NPC1: variants seen among roughly 807,000 people sequenced by gnomAD.
NPC1 encodes NPC intracellular cholesterol transporter 1, also known as Niemann-Pick C1 protein.
NPC1 carries 85 observed loss-of-function variants against 140.4 expected under a neutral mutation model. The ratio of observed to expected loss-of-function variants is 0.61; its 90% CI spans 0.51 to 0.72. NPC1 has a LOEUF of 0.72. Among genes scored for constraint, NPC1 ranks in the 30% least tolerant of loss-of-function variants. The pLI is 0.00. For synonymous variants in NPC1, 656 were observed against 624.8 expected, an observed-to-expected ratio of 1.05 and a Z score of -0.74; for missense variants, 1,504 against 1,623.8, an observed-to-expected ratio of 0.93 and a Z score of 1.27.
At chr18:23,541,579 G>C in intron 14 of NPC1, 146 bp from the exon 15 acceptor site, 3 of 1,047,060 alleles carry the variant, frequency 2.9e-6, no homozygotes, top group African/African-American at 1.6e-5. Flanking sequence ...CATTACACCA[G>C]AAGTGGGACA....
intron 3 of NPC1, among the ~76,000 whole-genome samples, chr18:23,513,391 C>T (rs559984848): frequency 6.6e-6 from 1 of 152,344 alleles, no homozygotes; most frequent in East Asian, 1.9e-4. Context: ...CTTTTTAAGA[C>T]TGATAATACC....
chr18:23,534,422 C>T (rs545550681), intron 23 of NPC1, 24 bp downstream of exon 23: 56 of 1,495,664 alleles, frequency 3.7e-5, no homozygotes, highest in Non-Finnish European at 4.7e-5. Flanking sequence ...ACTCTGCCGG[C>T]GTGGCCCTGC....
chr18:23,532,712 T>TC (rs1555631354), intron 24 of NPC1, among the ~76,000 whole-genome samples: 4 of 151,264 alleles, frequency 2.6e-5, no homozygotes, highest in Non-Finnish European at 5.9e-5. Flanking sequence ...TTTTTTTTTT[T>TC]CTTAAAAGGA....
chr18:23,512,160 A>G (rs1216597570), intron 3 of NPC1, among the ~76,000 whole-genome samples: 2 of 151,384 alleles, frequency 1.3e-5, no homozygotes, highest in African/African-American at 2.4e-5. Flanking sequence ...AGCTGGGTCT[A>G]CAGGCGCCCA....
intron 2 of NPC1, among the ~76,000 whole-genome samples, chr18:23,572,463 C>A (rs1458971831): frequency 6.6e-6 from 1 of 152,116 alleles, no homozygotes; most frequent in Non-Finnish European, 1.5e-5. Context: ...TTGTTTGATT[C>A]AATTCAACCA....
intron 9 of NPC1, among the ~76,000 whole-genome samples, chr18:23,552,016 G>A (rs1188178779): frequency 2.0e-5 from 3 of 152,198 alleles, no homozygotes; most frequent in Non-Finnish European, 2.9e-5. Flanking sequence ...ATAGCCAAGA[G>A]GAAGAGACTG....
At chr18:23,550,475 A>ATTTTTTTTTTTTTTTTTTTTTTT (rs1491268509) in intron 10 of NPC1, among the ~76,000 whole-genome samples, 1 of 53,504 alleles carries the variant, frequency 1.9e-5, no homozygotes, top group African/African-American at 9.8e-5. Flanking sequence ...CAGTTCTTAC[A>ATTTTTTTTTTTTTTTTTTTTTTT]TTTCTTTTTT....
chr18:23,551,390 C>A (rs185232634), intron 10 of NPC1, among the ~76,000 whole-genome samples: 53 of 152,272 alleles, frequency 3.5e-4, no homozygotes, highest in Admixed American at 1.0e-3. Flanking sequence ...AGGTACTTAG[C>A]CTTCGACAGC....
intron 4 of NPC1, among the ~76,000 whole-genome samples, chr18:23,565,154 T>C (rs2059104814): frequency 6.6e-6 from 1 of 152,226 alleles, no homozygotes; most frequent in South Asian, 2.1e-4. Context: ...CTCAAACTTC[T>C]ATGTGAATTT....
chr18:23,569,360 G>T (rs2059170349), intron 3 of NPC1, among the ~76,000 whole-genome samples: 3 of 152,166 alleles, frequency 2.0e-5, no homozygotes, highest in African/African-American at 7.2e-5. Flanking sequence ...GTCTCACTTT[G>T]TCGCCCAGGC....
intron 20 of NPC1, among the ~76,000 whole-genome samples, chr18:23,537,676 C>T (rs2058652144): frequency 6.6e-6 from 1 of 152,160 alleles, no homozygotes; most frequent in Admixed American, 6.5e-5. Context: ...ATGACGCTGG[C>T]ACCCTGGAGG....
At chr18:23,522,683 G>A (rs1405027850) in exon 2 of NPC1, 1 of 152,350 alleles carries the variant, frequency 6.6e-6, no homozygotes, top group Non-Finnish European at 1.5e-5. Context: ...GGGAACAGAT[G>A]CGAGGCCTGG....
chr18:23,509,197 A>G lies in NPC1; in HGVS notation c.432-2555T>C, dbSNP rs775245096. Reference sequence around the variant, plus strand: ...TTTTTAAAAAATTTTTCTTAGACTAAGAATGCCAACATTCTAGGATTCTGC... The same window carrying G: ...TTTTTAAAAAATTTTTCTTAGACTAGGAATGCCAACATTCTAGGATTCTGC... On this transcript the variant is annotated intron_variant, in intron 3 of 3. Transcript: ENST00000591107. 5 of 1,386,108 alleles carry G rather than the reference A, an allele frequency of 3.6e-6. No individual in the cohort carries two copies. The Admixed American group carries it at 1.4e-4, about 38-fold the overall frequency. 85.9% of individuals were successfully genotyped at this position (1,386,108 alleles called of 1,614,324 possible). A position where few individuals can be genotyped will look rare whatever the true frequency, so the allele number is the denominator to read the frequency against.
At chr18:23,579,879 C>T (rs984318116) in intron 1 of NPC1, among the ~76,000 whole-genome samples, 9 of 89,138 alleles carry the variant, frequency 1.0e-4, no homozygotes, top group African/African-American at 5.2e-4. Flanking sequence ...AGAGAGACTC[C>T]ATCTAAAAAA....
chr18:23,555,468 G>C (rs1271197872), intron 8 of NPC1, among the ~76,000 whole-genome samples: 1 of 152,228 alleles, frequency 6.6e-6, no homozygotes, highest in African/African-American at 2.4e-5. Context: ...TCAGCAACAA[G>C]CTGGAAAAAG....
chr18:23,573,722 TATTA>T (rs2145553061), intron 1 of NPC1, 148 bp from the exon 2 acceptor site: 3 of 908,090 alleles, frequency 3.3e-6, no homozygotes, highest in Non-Finnish European at 5.3e-6. Flanking sequence ...TTTTGAAAAA[TATTA>T]ATTAAAGCAG....
intron 1 of NPC1, 126 bp downstream of exon 1, chr18:23,586,161 A>T: frequency 1.0e-6 from 1 of 980,842 alleles, no homozygotes; most frequent in Non-Finnish European, 1.5e-6. Context: ...GGAACCTCCG[A>T]GCTCTCCATC....
chr18:23,556,812 A>C (rs1598977785), intron 7 of NPC1, 199 bp from the exon 8 acceptor site: 1 of 819,062 alleles, frequency 1.2e-6, no homozygotes, highest in Non-Finnish European at 2.0e-6. Context: ...CGCTATTCCC[A>C]CCCCACAGAG....
chr18:23,554,062 G>C (rs2058913452), intron 9 of NPC1, among the ~76,000 whole-genome samples: 2 of 152,276 alleles, frequency 1.3e-5, no homozygotes, highest in South Asian at 4.1e-4. Flanking sequence ...AAGGGTGAGA[G>C]GCAGCTGCAC....
Sources: allele counts gnomAD v4.1 joint callset (sites outside exome capture counted in the v4.1 genomes callset), GRCh38; gene constraint gnomAD v4.1.1; transcripts MANE v1.5; gene names NCBI Gene and HGNC (gene_info 2026-07-23, HGNC 2026-07-21).